The following IL12B variants were observed in gnomAD, a reference collection of about 807,000 sequenced individuals.
IL12B encodes interleukin 12B.
A neutral mutation model predicts 39.2 loss-of-function variants in IL12B; 27 were observed. The ratio of observed to expected loss-of-function variants is 0.69; its 90% CI spans 0.51 to 0.95. The LOEUF (loss-of-function observed/expected upper bound fraction) is 0.95. Among genes scored for constraint, IL12B ranks in the 40% least tolerant of loss-of-function variants. The probability of loss-of-function intolerance (pLI) is 0.00; values close to 1 mark genes in which losing one functional copy is unlikely to be tolerated. For synonymous variants in IL12B, 142 were observed against 152.1 expected, an observed-to-expected ratio of 0.93 and a Z score of 0.49; for missense variants, 351 against 397.6, an observed-to-expected ratio of 0.88 and a Z score of 1.00.
rs533007211 is a variant in IL12B, at chr5:159,315,965, T to G, written c.*136A>C. 6.6e-6 allele frequency: 1 copy of G among 152,632 alleles called. No individual in the cohort carries two copies. Among genetic ancestry groups the G allele is most frequent in the Non-Finnish European group, 1.5e-5 (1 of 68,162 alleles). The allele number at this position is 152,632 out of a possible 1,614,324, so 9.5% of individuals were successfully genotyped here. ...TCTAACTATACAAATACAGCAAAGA[T>G]ATCATTGTGATCCTAAAAAAACGTT... On this transcript the variant is annotated 3_prime_UTR_variant, in exon 8 of 8. Transcript: ENST00000231228.
rs1319875513 is a variant in IL12B at position 159,323,339 on chromosome 5, A to G, written c.89-10T>C. 1 of 1,613,244 alleles carries G rather than the reference A, an allele frequency of 6.2e-7. No homozygotes were observed. Among genetic ancestry groups the G allele is most frequent in the Non-Finnish European group, 8.5e-7 (1 of 1,179,904 alleles). ...AATTCTACGACATAAACTGGAATGC[A>G]CATAAAGTGGAGAACCAGGCTGTAA... On this transcript the variant is annotated splice_polypyrimidine_tract_variant and intron_variant, in intron 2 of 7. Coordinates refer to ENST00000231228, the MANE Select transcript of IL12B (RefSeq NM_002187.3).
At chr5:159,318,661 C>G in intron 6 of IL12B, 75 bp downstream of exon 6, 1 of 1,279,214 alleles carries the variant, frequency 7.8e-7, no homozygotes, top group Non-Finnish European at 1.1e-6. Flanking sequence ...TTATTATCAT[C>G]ATTCATCTTC....
At chr5:159,321,353 A>G (rs1338111275) in intron 4 of IL12B, among the ~76,000 whole-genome samples, 2 of 129,878 alleles carry the variant, frequency 1.5e-5, no homozygotes, top group Non-Finnish European at 3.1e-5. Context: ...CATTTTATAT[A>G]TATATATATA....
intron 6 of IL12B, among the ~76,000 whole-genome samples, chr5:159,317,056 A>C (rs1754001793): frequency 1.3e-5 from 2 of 152,188 alleles, no homozygotes; most frequent in African/African-American, 2.4e-5. Flanking sequence ...CCCAGCTTTC[A>C]TCTTTCTAGC....
In IL12B at chr5:159,315,237, G is replaced by C. The variant is rs921300403; in HGVS notation, c.*864C>G. On this transcript the variant is annotated 3_prime_UTR_variant, in exon 8 of 8. Transcript: ENST00000231228. ...AGACAGGGTCTCATTCTGTCACCTA[G>C]GCTGGTATGCAGTGGCACAATCACG... 10 of 151,986 alleles carry C rather than the reference G, an allele frequency of 6.6e-5. No homozygotes were observed. The highest frequency in any genetic ancestry group is 2.4e-4 in the African/African-American group (10 of 41,286). The allele number at this position is 151,986 out of a possible 1,614,324, so 9.4% of individuals were successfully genotyped here. A position where few individuals can be genotyped will look rare whatever the true frequency, so the allele number is the denominator to read the frequency against.
chr5:159,318,804 T>G lies in IL12B; in HGVS notation c.787A>C (p.Ser263Arg). 2 of 1,613,306 alleles carry G rather than the reference T, an allele frequency of 1.2e-6. No individual in the cohort carries two copies. The highest frequency in any genetic ancestry group is 1.7e-6 in the Non-Finnish European group (2 of 1,179,222). Residue 263 changes from serine to arginine, a missense_variant, in exon 6 of 8, where the codon AGT becomes CGT. Transcript: ENST00000231228. Reference protein sequence around the residue: ...EVSWEYPDTWSTPHSYFSLTF... With the variant: ...EVSWEYPDTWRTPHSYFSLTF... ...AGGGAGAAGTAGGAATGTGGAGTAC[T>G]CCAGGTGTCAGGGTACTCCCAGCTG...
At chr5:159,324,410 A>T (rs1218903153) in intron 2 of IL12B, among the ~76,000 whole-genome samples, 10 of 152,252 alleles carry the variant, frequency 6.6e-5, no homozygotes, top group Admixed American at 6.5e-4. Flanking sequence ...TGTTTAATGT[A>T]GTAGTTCCCA....
chr5:159,327,109 C>T (rs1354217735), intron 1 of IL12B, among the ~76,000 whole-genome samples: 1 of 152,016 alleles, frequency 6.6e-6, no homozygotes, highest in Non-Finnish European at 1.5e-5. Flanking sequence ...AGATGAGAAA[C>T]TTAAAGCTTA....
At position 159,320,520 on chromosome 5, in the gene IL12B, G is replaced by A. The variant is rs761108550; in HGVS notation, c.483C>T (p.Gly161=). The A allele has an allele frequency of 1.9e-6, 3 of 1,613,484 alleles. No individual in the cohort carries two copies. The highest frequency in any genetic ancestry group is 2.5e-6 in the Non-Finnish European group (3 of 1,179,476). ...ACGTCACCCCTTGGGGGTCAGAAGA[G>A]CTGAAGTCAAAGACAGAAATTAGCC... The part of the protein sequence containing the change: ...DLTFSVKSSR[G]SSDPQGVTCG... The change falls in exon 5 of 8, where the codon GGC becomes GGT. Residue 161 remains glycine (G), a splice_region_variant and synonymous_variant. Coordinates refer to ENST00000231228, the MANE Select transcript of IL12B (RefSeq NM_002187.3).
chr5:159,326,124 G>A (rs147153049), intron 2 of IL12B, among the ~76,000 whole-genome samples: 10 of 152,306 alleles, frequency 6.6e-5, no homozygotes, highest in Non-Finnish European at 1.3e-4. Context: ...AATAACCCAC[G>A]TGGTAGGCAT....
In IL12B at chr5:159,316,728, T is replaced by C. The variant is rs778129509; in HGVS notation, c.944A>G (p.Tyr315Cys). 4 of 1,613,964 alleles carry C rather than the reference T, an allele frequency of 2.5e-6. No homozygotes were observed. The highest frequency in any genetic ancestry group is 3.4e-6 in the Non-Finnish European group (4 of 1,180,026). The change falls in exon 7 of 8, where the codon TAT becomes TGT. Residue 315 changes from tyrosine to cysteine, a missense_variant. By Grantham distance (194) the Tyr-to-Cys change is radical. Coordinates refer to ENST00000231228, the MANE Select transcript of IL12B (RefSeq NM_002187.3). ...SISVRAQDRY[Y>C]SSSWSEWASV... ...TGCCCATTCGCTCCAAGATGAGCTATAGTAGCGGTCCTGGGCCCGCACGCT... is the reference window on the plus strand; with the variant it reads ...TGCCCATTCGCTCCAAGATGAGCTACAGTAGCGGTCCTGGGCCCGCACGCT...
chr5:159,325,730 C>T (rs544334565), intron 2 of IL12B: 2 of 152,296 alleles, frequency 1.3e-5, no homozygotes, highest in East Asian at 1.9e-4. Flanking sequence ...TACAGACAGT[C>T]TCTACTTCAT....
At chr5:159,319,190 A>T (rs1754042786) in intron 5 of IL12B, among the ~76,000 whole-genome samples, 1 of 152,002 alleles carries the variant, frequency 6.6e-6, no homozygotes, top group African/African-American at 2.4e-5. Context: ...CAGTGAGAAG[A>T]CCTCTGCTTT....
intron 2 of IL12B, among the ~76,000 whole-genome samples, chr5:159,324,387 A>T (rs1754153824): frequency 6.6e-6 from 1 of 152,232 alleles, no homozygotes; most frequent in Admixed American, 6.5e-5. Context: ...ATAAATTATT[A>T]ATTGAATAGA....
At chr5:159,320,720 G>A (rs1013093225) in intron 4 of IL12B, among the ~76,000 whole-genome samples, 200 bp from the exon 5 acceptor site, 2 of 152,188 alleles carry the variant, frequency 1.3e-5, no homozygotes, top group Non-Finnish European at 2.9e-5. Flanking sequence ...CATGTCTCTG[G>A]ACTAAATGAA....
intron 2 of IL12B, 100 bp downstream of exon 2, chr5:159,326,595 T>G (rs1287578139): frequency 1.2e-6 from 1 of 807,588 alleles, no homozygotes; most frequent in East Asian, 2.4e-5. Context: ...GAGGACCCAG[T>G]GCATGGTTGC....
At chr5:159,322,658 C>G in intron 3 of IL12B, 147 bp from the exon 4 acceptor site, 1 of 696,552 alleles carries the variant, frequency 1.4e-6, no homozygotes, top group Admixed American at 2.1e-5. Flanking sequence ...TTGGGAGTAT[C>G]CCAGTGGGGT....
chr5:159,322,548 GT>G (rs753245873), intron 3 of IL12B, 37 bp from the exon 4 acceptor site: 8 of 1,351,664 alleles, frequency 5.9e-6, no homozygotes, highest in Admixed American at 1.7e-5. Context: ...ATATTTAGGA[GT>G]TTTTTGCAGA....
chr5:159,319,546 G>A (rs1754050520), intron 5 of IL12B, among the ~76,000 whole-genome samples: 1 of 152,212 alleles, frequency 6.6e-6, no homozygotes, highest in Non-Finnish European at 1.5e-5. Flanking sequence ...TAGGGTGTGT[G>A]GTTGGGCTCT....
Sources: gnomAD v4.1 joint callset for allele counts (sites outside exome capture counted in the v4.1 genomes callset) on GRCh38, gnomAD v4.1.1 for gene constraint, MANE v1.5 for transcripts, NCBI Gene and HGNC (gene_info 2026-07-23, HGNC 2026-07-21) for gene names.